TRIM6: variants seen among roughly 807,000 people sequenced by gnomAD.
TRIM6 encodes the protein tripartite motif-containing protein 6.
In TRIM6, 43 loss-of-function variants were observed where a neutral mutation model predicts 51.2. That is an observed-to-expected ratio of 0.84 (90% CI 0.66 to 1.08). The LOEUF (loss-of-function observed/expected upper bound fraction) is 1.08. Among genes scored for constraint, TRIM6 ranks in the 50% least tolerant of loss-of-function variants. TRIM6 has a pLI of 0.00. For synonymous variants in TRIM6, 215 were observed against 232.4 expected (o/e 0.93, Z 0.68); for missense variants, 669 against 619.0 (o/e 1.08, Z -0.86).
intron 5 of TRIM6, among the ~76,000 whole-genome samples, chr11:5,609,107 A>G (rs1377957574): frequency 6.6e-6 from 1 of 152,032 alleles, no homozygotes; most frequent in Non-Finnish European, 1.5e-5. Context: ...TCTGGAGGAT[A>G]ATAATTTAGC....
At position 5,596,688 on chromosome 11, in the gene TRIM6, C is replaced by T; in HGVS notation, c.-210C>T. 9 of 705,474 alleles carry T rather than the reference C, an allele frequency of 1.3e-5. No individual in the cohort carries two copies. Among genetic ancestry groups the T allele is most frequent in the Non-Finnish European group, 1.9e-5 (8 of 429,608 alleles). The allele number at this position is 705,474 out of a possible 1,614,324, so 43.7% of individuals were successfully genotyped here. ...GCAAACTCCTGACCTGTGGGTCCGTCCGTTCAACGGCCAAAGGCTGGCGGA... is the reference window on the plus strand; with the variant it reads ...GCAAACTCCTGACCTGTGGGTCCGTTCGTTCAACGGCCAAAGGCTGGCGGA... On this transcript the variant is annotated 5_prime_UTR_variant, in exon 1 of 8. Coordinates refer to ENST00000380097, the MANE Select transcript of TRIM6 (RefSeq NM_001003818.3).
chr11:5,607,275 A>G (rs921328785), intron 4 of TRIM6, among the ~76,000 whole-genome samples: 1 of 152,226 alleles, frequency 6.6e-6, no homozygotes. Context: ...TAAGAGAAGT[A>G]GCCACATGAA....
At chr11:5,610,103 A>T (rs764345424) in intron 5 of TRIM6, 42 bp from the exon 6 acceptor site, 2 of 1,610,272 alleles carry the variant, frequency 1.2e-6, no homozygotes, top group Non-Finnish European at 1.7e-6. Context: ...GGAGGAACCC[A>T]CAGTCAGCAG....
chr11:5,610,260 G>A lies in TRIM6; in HGVS notation c.958+15G>A. The A allele has an allele frequency of 6.2e-7, 1 of 1,614,006 alleles. No individual in the cohort carries two copies. The highest frequency in any genetic ancestry group is 2.2e-5 in the East Asian group (1 of 44,862). ...AGTGTGTAGAGGTAAGGAGATTCAG[G>A]GGAAAGAGTTTGGATGTGAAATTAC... is the stretch of plus-strand genomic sequence containing the variant. On this transcript the variant is annotated intron_variant, in intron 6 of 7. Coordinates refer to ENST00000380097, the MANE Select transcript of TRIM6 (RefSeq NM_001003818.3).
intron 5 of TRIM6, among the ~76,000 whole-genome samples, chr11:5,609,690 A>G (rs1848449839): frequency 6.6e-6 from 1 of 152,148 alleles, no homozygotes; most frequent in Admixed American, 6.5e-5. Context: ...TGGGAGGCTG[A>G]GGAGGGCAGA....
At chr11:5,602,013 A>G (rs755747821) in intron 1 of TRIM6, among the ~76,000 whole-genome samples, 5 of 152,138 alleles carry the variant, frequency 3.3e-5, no homozygotes, top group African/African-American at 7.2e-5. Context: ...CATTCATCCA[A>G]AGTTGAGGAC....
intron 1 of TRIM6, among the ~76,000 whole-genome samples, chr11:5,598,594 A>C (rs1847623141): frequency 6.6e-6 from 1 of 152,216 alleles, no homozygotes; most frequent in South Asian, 2.1e-4. Flanking sequence ...ATCAACATAA[A>C]AAAATTAATA....
At position 5,604,702 on chromosome 11, in the gene TRIM6, G is replaced by C; in HGVS notation, c.603+73G>C. 7 of 1,483,950 alleles carry C rather than the reference G, an allele frequency of 4.7e-6. No individual in the cohort carries two copies. The South Asian group carries it at 8.2e-5, about 17-fold the overall frequency. 91.9% of individuals were successfully genotyped at this position (1,483,950 alleles called of 1,614,324 possible). ...GGTCATAGGAGCTGAGGGCAAAGGA[G>C]TCCTTGTCCTGTCTGTCCTCTGATG... On this transcript the variant is annotated intron_variant, in intron 3 of 7. Coordinates refer to ENST00000380097, the MANE Select transcript of TRIM6 (RefSeq NM_001003818.3).
rs538802425 is a variant in TRIM6, at chr11:5,596,879, T to C, written c.-19T>C. The C allele has an allele frequency of 8.1e-6, 13 of 1,614,068 alleles. No homozygotes were observed. The African/African-American group carries it at 1.7e-4, about 22-fold the overall frequency. ...TGATATTGCTTACATCTGGAACTTC[T>C]TGGCTTCTCATTCCCCAGATGTGCG... On this transcript the variant is annotated 5_prime_UTR_variant, in exon 1 of 8. Coordinates refer to ENST00000380097, the MANE Select transcript of TRIM6 (RefSeq NM_001003818.3).
intron 3 of TRIM6, 41 bp downstream of exon 3, chr11:5,604,670 C>G (rs1363649230): frequency 1.9e-6 from 3 of 1,594,320 alleles, no homozygotes; most frequent in Non-Finnish European, 2.6e-6. Context: ...GGGCAGGAAT[C>G]ATGGCAGGTC....
In TRIM6 at chr11:5,605,616, CTA is replaced by C. The variant is rs760363153; in HGVS notation, c.834+50_834+51del. 2.6e-6 allele frequency: 4 copies of C among 1,551,210 alleles called. No homozygotes were observed. In the South Asian group the frequency reaches 4.9e-5, roughly 19 times the overall value. On this transcript the variant is annotated intron_variant, in intron 4 of 7. Transcript: ENST00000380097. The stretch of plus-strand genomic sequence containing the variant: ...ATCTGAGAGTCAAGGAAAAGAGAAA[CTA>C]ACTTTCCTTCCTTTCTGGGACATCA...
At chr11:5,599,557 C>T (rs1847704304) in intron 1 of TRIM6, among the ~76,000 whole-genome samples, 1 of 152,156 alleles carries the variant, frequency 6.6e-6, no homozygotes. Context: ...GCATCCGCCA[C>T]TACACCCAGC....
intron 1 of TRIM6, among the ~76,000 whole-genome samples, chr11:5,599,638 T>C (rs1009903568): frequency 6.6e-6 from 1 of 152,106 alleles, no homozygotes; most frequent in Admixed American, 6.6e-5. Context: ...CTCCTGACCT[T>C]GTGATCCGCC....
At chr11:5,607,420 G>A (rs556678644) in intron 4 of TRIM6, among the ~76,000 whole-genome samples, 1 of 152,250 alleles carries the variant, frequency 6.6e-6, no homozygotes, top group African/African-American at 2.4e-5. Flanking sequence ...TTTGAGTTGT[G>A]CCTCTATGAA....
At chr11:5,597,328 T>G (rs1214451146) in intron 1 of TRIM6, among the ~76,000 whole-genome samples, 2 of 152,214 alleles carry the variant, frequency 1.3e-5, no homozygotes. Context: ...TGGTCATTAT[T>G]ACTGGCAAAC....
intron 6 of TRIM6, 86 bp from the exon 7 acceptor site, chr11:5,610,449 A>G: frequency 1.2e-6 from 2 of 1,609,808 alleles, no homozygotes; most frequent in Non-Finnish European, 1.7e-6. Flanking sequence ...ATTCCTCACC[A>G]TTCCCCTCAA....
In TRIM6 at chr11:5,610,145, G is replaced by A. The variant is rs149440875; in HGVS notation, c.858G>A (p.Arg286=). 3.0e-4 allele frequency: 485 copies of A among 1,614,038 alleles called. No individual in the cohort carries two copies. Among genetic ancestry groups the A allele is most frequent in the Non-Finnish European group, 3.7e-4 (440 of 1,179,964 alleles). ...AACTCAGAAGTCCTGTCCTTTCTAG[G>A]AGTGAGTTCTGGACCCTGAGGAAGC... ...LLQDVSDVTE[R]SEFWTLRKPE... Residue 286 remains arginine (R), a splice_region_variant and synonymous_variant, in exon 6 of 8, where the codon AGG becomes AGA. Coordinates refer to ENST00000380097, the MANE Select transcript of TRIM6 (RefSeq NM_001003818.3).
rs1848625264 is a variant in TRIM6 at position 5,612,792 on chromosome 11, A to G, written c.*1450A>G. The G allele has an allele frequency of 6.6e-6, 1 of 152,202 alleles. No individual in the cohort carries two copies. Among genetic ancestry groups the G allele is most frequent in the Non-Finnish European group, 1.5e-5 (1 of 68,030 alleles). The allele number at this position is 152,202 out of a possible 1,614,324, so 9.4% of individuals were successfully genotyped here. On this transcript the variant is annotated 3_prime_UTR_variant, in exon 8 of 8. Transcript: ENST00000380097. ...TCTGTTGAGTACTTCATACATGCCT[A>G]GTCTGAATTGAGATGTGCTCAATGT...
At chr11:5,605,142 A>T (rs545994000) in intron 3 of TRIM6, 195 bp from the exon 4 acceptor site, 1 of 703,948 alleles carries the variant, frequency 1.4e-6, no homozygotes, top group Admixed American at 2.8e-5. Flanking sequence ...CCCGGGGCCA[A>T]TGGTCTGGGC....
Sources: allele counts gnomAD v4.1 joint callset (sites outside exome capture counted in the v4.1 genomes callset), GRCh38; gene constraint gnomAD v4.1.1; transcripts MANE v1.5; gene names NCBI Gene and HGNC (gene_info 2026-07-23, HGNC 2026-07-21).